SORCS2: variants seen among roughly 807,000 people sequenced by gnomAD.
SORCS2 encodes VPS10 domain-containing receptor SorCS2.
SORCS2 carries 100 observed loss-of-function variants against 141.6 expected under a neutral mutation model. The observed-to-expected ratio is 0.71, with a 90% CI of 0.60 to 0.83. The LOEUF (loss-of-function observed/expected upper bound fraction) is 0.83, where lower values mean the gene tolerates loss of function less well. Ranked by LOEUF, SORCS2 falls within the 40% of genes least tolerant of loss-of-function variation. SORCS2 has a pLI of 0.00. For synonymous variants in SORCS2, 789 were observed against 676.9 expected (o/e 1.17, Z -2.57); for missense variants, 1,646 against 1,560.2 (o/e 1.05, Z -0.93).
chr4:7,715,275 AC>A lies in SORCS2; in HGVS notation c.2217del (p.Cys740ValfsTer73). On this transcript the variant is annotated frameshift_variant, in exon 17 of 27. Coordinates refer to ENST00000507866, the MANE Select transcript of SORCS2 (RefSeq NM_020777.3). LOFTEE classifies it high-confidence loss of function. Reference sequence around the variant, plus strand: ...TTTAACCCATTGTCCCCGCCTGACGACTGTGCCCTGGGCCAGACCTACACCA... The same window carrying A: ...TTTAACCCATTGTCCCCGCCTGACGATGTGCCCTGGGCCAGACCTACACCA... ...FWFNPLSPPD[D>X]CALGQTYTSS... 6.2e-7 allele frequency: 1 copy of A among 1,613,920 alleles called. No individual in the cohort carries two copies. The highest frequency in any genetic ancestry group is 8.5e-7 in the Non-Finnish European group (1 of 1,179,854).
rs114048388 is a variant in SORCS2, at chr4:7,239,659, G to A, written c.480+46533G>A. On this transcript the variant is annotated intron_variant, in intron 1 of 26. Transcript: ENST00000507866. ...CCGGCTGGGTCGCTGGGCGAGTCTC[G>A]CACTTGGCCCCCAGGATAGGCCTCT... 6.1e-3 allele frequency among the ~76,000 whole-genome samples: 933 copies of A among 152,342 alleles called. 9 individuals carry two copies. Among genetic ancestry groups the A allele is most frequent in the African/African-American group, 0.021 (873 of 41,588 alleles).
chr4:7,252,656 C>G (rs1713584996), intron 1 of SORCS2, among the ~76,000 whole-genome samples: 1 of 152,050 alleles, frequency 6.6e-6, no homozygotes, highest in Non-Finnish European at 1.5e-5. Context: ...ATTCATCACC[C>G]AAACCAGGAT....
intron 1 of SORCS2, among the ~76,000 whole-genome samples, chr4:7,370,718 G>A (rs984562456): frequency 6.6e-6 from 1 of 152,180 alleles, no homozygotes; most frequent in East Asian, 1.9e-4. Context: ...CCCTGACAAT[G>A]CCCTCCTGTG....
At chr4:7,712,976 C>T (rs2109036742) in intron 15 of SORCS2, 123 bp downstream of exon 15, 1 of 1,396,854 alleles carries the variant, frequency 7.2e-7, no homozygotes, top group Non-Finnish European at 9.6e-7. Flanking sequence ...AAGAAGTCTT[C>T]AGGGAATCCC....
intron 1 of SORCS2, among the ~76,000 whole-genome samples, chr4:7,269,707 T>C (rs73799444): frequency 6.4e-4 from 98 of 152,248 alleles, no homozygotes; most frequent in African/African-American, 2.3e-3. Context: ...TCTCTGAGCC[T>C]CCAGAAGGAA....
intron 1 of SORCS2, among the ~76,000 whole-genome samples, chr4:7,366,418 G>A (rs1221283237): frequency 1.3e-5 from 2 of 151,758 alleles, no homozygotes; most frequent in African/African-American, 4.8e-5. Context: ...CAGCACAGGA[G>A]GCGTTTCCAT....
At chr4:7,608,009 G>T (rs543059557) in intron 3 of SORCS2, among the ~76,000 whole-genome samples, 1 of 152,136 alleles carries the variant, frequency 6.6e-6, no homozygotes, top group South Asian at 2.1e-4. Flanking sequence ...GACAAATACC[G>T]TGTTTAGGAC....
chr4:7,264,199 G>A (rs879405259), intron 1 of SORCS2, among the ~76,000 whole-genome samples: 2 of 152,236 alleles, frequency 1.3e-5, no homozygotes, highest in Non-Finnish European at 2.9e-5. Context: ...TTGGCTGGGG[G>A]CAGGTTCTGG....
rs1724095594 is a variant in SORCS2 at position 7,689,705 on chromosome 4, G to C, written c.1591+117G>C. 4.4e-6 allele frequency: 4 copies of C among 912,514 alleles called. No homozygotes were observed. The Admixed American group carries it at 1.2e-4, about 27-fold the overall frequency. The allele number at this position is 912,514 out of a possible 1,614,324, so 56.5% of individuals were successfully genotyped here. A position where few individuals can be genotyped will look rare whatever the true frequency, so the allele number is the denominator to read the frequency against. The stretch of plus-strand genomic sequence containing the variant: ...TGAGGCCATAGTATGTCCTTTAGGA[G>C]GCAGTACCACTGCATCTCCAGGAAG... On this transcript the variant is annotated intron_variant, in intron 11 of 26. Transcript: ENST00000507866.
Position 7,443,347 on chromosome 4 carries a change from G to T in SORCS2, c.548+46992G>T, listed in dbSNP as rs111651731. 9.0e-3 allele frequency among the ~76,000 whole-genome samples: 1,377 copies of T among 152,266 alleles called. 7 individuals carry two copies. Among genetic ancestry groups the T allele is most frequent in the Non-Finnish European group, 0.016 (1,073 of 68,012 alleles). On this transcript the variant is annotated intron_variant, in intron 2 of 26. Coordinates refer to ENST00000507866, the MANE Select transcript of SORCS2 (RefSeq NM_020777.3). Reference sequence around the variant, plus strand: ...CCTGTGGTGCACAGCATCTTAGGGCGGGCACCCGGGTGTTTGTGGAGCACC... The same window carrying T: ...CCTGTGGTGCACAGCATCTTAGGGCTGGCACCCGGGTGTTTGTGGAGCACC...
At chr4:7,462,198 A>G (rs1329839395) in intron 2 of SORCS2, among the ~76,000 whole-genome samples, 2 of 152,204 alleles carry the variant, frequency 1.3e-5, no homozygotes, top group African/African-American at 4.8e-5. Context: ...GCTGGGCGCC[A>G]GCTCTCCTGC....
At chr4:7,332,012 G>T (rs925484124) in intron 1 of SORCS2, among the ~76,000 whole-genome samples, 1 of 152,222 alleles carries the variant, frequency 6.6e-6, no homozygotes, top group Non-Finnish European at 1.5e-5. Flanking sequence ...TCTTTCTGGG[G>T]GTGAGATTAG....
At chr4:7,627,593 G>A (rs370438381) in intron 3 of SORCS2, among the ~76,000 whole-genome samples, 1 of 152,312 alleles carries the variant, frequency 6.6e-6, no homozygotes, top group Non-Finnish European at 1.5e-5. Flanking sequence ...TTTTATTTGA[G>A]GGGCAAAGCT....
intron 10 of SORCS2, among the ~76,000 whole-genome samples, chr4:7,683,637 G>T (rs1463516400): frequency 6.6e-6 from 1 of 152,192 alleles, no homozygotes; most frequent in East Asian, 1.9e-4. Context: ...ATTGTACTCT[G>T]CCCATGGGAG....
intron 2 of SORCS2, chr4:7,434,233 A>G: frequency 1.2e-6 from 2 of 1,613,610 alleles, no homozygotes; most frequent in Non-Finnish European, 1.7e-6. Flanking sequence ...GCCAGGCCCC[A>G]AGGACTCACA....
intron 2 of SORCS2, among the ~76,000 whole-genome samples, chr4:7,400,006 G>A (rs183783602): frequency 2.6e-5 from 4 of 152,236 alleles, no homozygotes; most frequent in Admixed American, 2.6e-4. Flanking sequence ...TTTCTAACAA[G>A]CTCCCGAGTG....
intron 3 of SORCS2, among the ~76,000 whole-genome samples, chr4:7,563,629 A>G (rs1341722299): frequency 6.6e-6 from 1 of 152,202 alleles, no homozygotes; most frequent in Non-Finnish European, 1.5e-5. Context: ...ACAAGATGCC[A>G]TCTGCTTCTG....
intron 1 of SORCS2, among the ~76,000 whole-genome samples, chr4:7,298,637 G>A (rs1017285550): frequency 1.3e-5 from 2 of 152,204 alleles, no homozygotes; most frequent in Admixed American, 6.5e-5. Context: ...CTGCCTGTCT[G>A]ATTTCCAGCT....
chr4:7,557,612 A>G (rs544472367), intron 3 of SORCS2, among the ~76,000 whole-genome samples: 1 of 152,242 alleles, frequency 6.6e-6, no homozygotes, highest in Non-Finnish European at 1.5e-5. Context: ...TGATTCATCC[A>G]ATGAGTTTTT....
Sources: gnomAD v4.1 joint callset for allele counts (sites outside exome capture counted in the v4.1 genomes callset) on GRCh38, gnomAD v4.1.1 for gene constraint, MANE v1.5 for transcripts, NCBI Gene and HGNC (gene_info 2026-07-23, HGNC 2026-07-21) for gene names.